The following LMNB1 variants were observed in gnomAD, a reference collection of about 807,000 sequenced individuals.
The protein encoded by LMNB1 is lamin-B1.
In LMNB1, 23 loss-of-function variants were observed where a neutral mutation model predicts 67.1. The observed-to-expected ratio is 0.34, with a 90% confidence interval of 0.25 to 0.49. The LOEUF is 0.49. Among genes scored for constraint, LMNB1 ranks in the 20% least tolerant of loss-of-function variants. The pLI is 0.99. For missense variants in LMNB1, 634 were observed against 746.5 expected (o/e 0.85, Z 1.76); for synonymous variants, 281 against 282.9 (o/e 0.99, Z 0.07).
At chr5:126,803,472 T>C (rs1751338309) in intron 1 of LMNB1, among the ~76,000 whole-genome samples, 1 of 152,088 alleles carries the variant, frequency 6.6e-6, no homozygotes, top group Non-Finnish European at 1.5e-5. Flanking sequence ...GGTCTTGAAC[T>C]CCCAACATCA....
At chr5:126,795,933 C>CTT (rs70997314) in intron 1 of LMNB1, among the ~76,000 whole-genome samples, 15 of 82,082 alleles carry the variant, frequency 1.8e-4, no homozygotes, top group Admixed American at 3.3e-4. Context: ...GCCCAGGATG[C>CTT]TTTTTTTTTT....
chr5:126,835,191 G>C (rs894095749), intron 10 of LMNB1, among the ~76,000 whole-genome samples: 28 of 152,108 alleles, frequency 1.8e-4, no homozygotes, highest in Non-Finnish European at 3.8e-4. Context: ...AGATGTATGA[G>C]GTTTTTAGCT....
At chr5:126,817,310 A>G (rs1270979118) in intron 5 of LMNB1, among the ~76,000 whole-genome samples, 1 of 152,116 alleles carries the variant, frequency 6.6e-6, no homozygotes, top group African/African-American at 2.4e-5. Flanking sequence ...CCCCAGTCCT[A>G]GAATTATCCA....
chr5:126,783,821 CT>C (rs895971272), intron 1 of LMNB1, among the ~76,000 whole-genome samples: 3 of 150,958 alleles, frequency 2.0e-5, no homozygotes, highest in South Asian at 2.1e-4. Context: ...AATCTTCAGA[CT>C]TTTTTTTTAT....
chr5:126,781,913 A>G (rs1750642850), intron 1 of LMNB1, among the ~76,000 whole-genome samples: 1 of 152,228 alleles, frequency 6.6e-6, no homozygotes, highest in African/African-American at 2.4e-5. Context: ...TGCTTGGTCT[A>G]AAGAGAATTT....
intron 1 of LMNB1, 122 bp downstream of exon 1, chr5:126,777,989 A>T: frequency 2.3e-6 from 2 of 874,678 alleles, no homozygotes; most frequent in Non-Finnish European, 3.2e-6. Flanking sequence ...GTCCTTCTGA[A>T]GGAACAGGGT....
intron 1 of LMNB1, among the ~76,000 whole-genome samples, chr5:126,781,780 A>G (rs1311602431): frequency 1.3e-5 from 2 of 152,206 alleles, no homozygotes; most frequent in African/African-American, 2.4e-5. Flanking sequence ...GTAATTAAGT[A>G]TAATCATCAT....
intron 3 of LMNB1, among the ~76,000 whole-genome samples, chr5:126,806,797 G>T (rs1430135174): frequency 6.7e-6 from 1 of 148,520 alleles, no homozygotes; most frequent in Non-Finnish European, 1.5e-5. Context: ...TTTTTTTTGA[G>T]ACACGAGACC....
chr5:126,792,575 T>G, intron 1 of LMNB1, among the ~76,000 whole-genome samples: 1 of 133,548 alleles, frequency 7.5e-6, no homozygotes, highest in Non-Finnish European at 1.7e-5. Flanking sequence ...GGATTTTTTT[T>G]TTTTTTTTTT....
intron 1 of LMNB1, among the ~76,000 whole-genome samples, chr5:126,790,658 CATT>C (rs1750930367): frequency 6.6e-6 from 1 of 151,992 alleles, no homozygotes; most frequent in Admixed American, 6.6e-5. Flanking sequence ...AATTTTACCT[CATT>C]AAATAAAGAA....
At position 126,805,637 on chromosome 5, in the gene LMNB1, G is replaced by C. The variant is rs774573241; in HGVS notation, c.583G>C (p.Glu195Gln). 3.1e-6 allele frequency: 5 copies of C among 1,612,898 alleles called. No individual in the cohort carries two copies. The highest frequency in any genetic ancestry group is 4.2e-6 in the Non-Finnish European group (5 of 1,178,986). The change falls in exon 3 of 11, where the codon GAG becomes CAG. Residue 195 changes from glutamate to glutamine, a missense_variant. Coordinates refer to ENST00000261366, the MANE Select transcript of LMNB1 (RefSeq NM_005573.4). ...TGAAACTTTACTTAAAGTAGATTTG[G>C]AGAATCGTTGTCAGAGCCTTACTGA... Reference protein sequence around the residue: ...ADETLLKVDLENRCQSLTEDL... With the variant: ...ADETLLKVDLQNRCQSLTEDL...
At chr5:126,812,219 T>TTCCTTTTTTATATCTCA (rs1222338636) in intron 5 of LMNB1, among the ~76,000 whole-genome samples, 2 of 152,222 alleles carry the variant, frequency 1.3e-5, no homozygotes, top group African/African-American at 4.8e-5. Flanking sequence ...GCTTCATCTC[T>TTCCTTTTTTATATCTCA]ACAGAGTTAT....
chr5:126,832,303 CAG>C (rs1752154547), intron 9 of LMNB1, among the ~76,000 whole-genome samples: 1 of 152,044 alleles, frequency 6.6e-6, no homozygotes, highest in Non-Finnish European at 1.5e-5. Context: ...TAATAATAAA[CAG>C]AAATGCTGTC....
At chr5:126,789,311 C>T (rs1394338025) in intron 1 of LMNB1, among the ~76,000 whole-genome samples, 2 of 152,102 alleles carry the variant, frequency 1.3e-5, no homozygotes, top group Non-Finnish European at 2.9e-5. Context: ...GTGATCATTT[C>T]ACCCCTTTTG....
chr5:126,817,118 G>A (rs1751730686), intron 5 of LMNB1, among the ~76,000 whole-genome samples: 2 of 152,136 alleles, frequency 1.3e-5, no homozygotes, highest in Admixed American at 1.3e-4. Context: ...TGGACCATGG[G>A]CATTTACTTT....
At chr5:126,807,712 GT>G (rs1183309259) in intron 3 of LMNB1, among the ~76,000 whole-genome samples, 7 of 151,908 alleles carry the variant, frequency 4.6e-5, no homozygotes, top group Non-Finnish European at 8.8e-5. Context: ...CAGGAGTAGG[GT>G]TTTTTTTCTT....
chr5:126,805,031 T>C lies in LMNB1; in HGVS notation c.516+99T>C, dbSNP rs113845151. 9 of 1,117,700 alleles carry C rather than the reference T, an allele frequency of 8.1e-6. No individual in the cohort carries two copies. The African/African-American group carries it at 1.1e-4, about 14-fold the overall frequency. 69.2% of individuals were successfully genotyped at this position (1,117,700 alleles called of 1,614,324 possible). ...GATTGATTGATTTTCAAATGTATTT[T>C]ATTTTTGAAATTTTATATATTTGTT... On this transcript the variant is annotated intron_variant, in intron 2 of 10. Coordinates refer to ENST00000261366, the MANE Select transcript of LMNB1 (RefSeq NM_005573.4).
At chr5:126,809,686 CAGAAA>C (rs143766887) in intron 3 of LMNB1, among the ~76,000 whole-genome samples, 4,317 of 151,726 alleles carry the variant, frequency 0.028, 80 homozygotes, top group Middle Eastern at 0.11. Context: ...TACTCTATCT[CAGAAA>C]AGAAAAGAAA....
chr5:126,833,414 A>G (rs142948122), intron 10 of LMNB1, among the ~76,000 whole-genome samples: 2 of 152,256 alleles, frequency 1.3e-5, no homozygotes, highest in African/African-American at 4.8e-5. Context: ...CAAAGTGTCT[A>G]CCCTTATCCT....
Sources: allele counts gnomAD v4.1 joint callset (sites outside exome capture counted in the v4.1 genomes callset), GRCh38; gene constraint gnomAD v4.1.1; transcripts MANE v1.5; gene names NCBI Gene and HGNC (gene_info 2026-07-23, HGNC 2026-07-21).